Variants in LYG2 observed in about 807,000 individuals in gnomAD.
LYG2 encodes the protein lysozyme g-like protein 2.
In LYG2, 25 loss-of-function variants were observed where a neutral mutation model predicts 22.4. The ratio of observed to expected loss-of-function variants is 1.12; its 90% CI spans 0.81 to 1.56. The LOEUF (loss-of-function observed/expected upper bound fraction) is 1.56, where lower values mean the gene tolerates loss of function less well. LYG2 is among the 40% of genes most tolerant of loss of function. The pLI is 0.00. For missense variants in LYG2, 266 were observed against 269.5 expected (o/e 0.99, Z 0.09); for synonymous variants, 88 against 97.0 (o/e 0.91, Z 0.55).
chr2:99,243,491 C>CAGATAGAT (rs36096004), intron 6 of LYG2: 84,172 of 1,299,692 alleles, frequency 0.065, 2,776 homozygotes, highest in East Asian at 0.13. Flanking sequence ...GGTAGGCAAA[C>CAGATAGAT]AGATAGATAG....
chr2:99,246,862 A>G, intron 3 of LYG2, 42 bp from the exon 4 acceptor site: 1 of 1,588,374 alleles, frequency 6.3e-7, no homozygotes, highest in Non-Finnish European at 8.6e-7. Flanking sequence ...CTCTGAGAAG[A>G]TATTACTTGG....
Position 99,254,242 on chromosome 2 carries a change from A to T in LYG2, c.19T>A (p.Phe7Ile), listed in dbSNP as rs1211280560. MLSSVVFWGLIALIGTS... is the reference protein window; with the variant it reads MLSSVVIWGLIALIGTS... The stretch of plus-strand genomic sequence containing the variant: ...CCAATGAGGGCAATTAGTCCCCAAA[A>T]CACCACGGAGGATAACATGGCGGGG... Residue 7 changes from phenylalanine (F) to isoleucine (I), a missense_variant, in exon 3 of 7, where the codon TTT becomes ATT. By Grantham distance (21) the Phe-to-Ile change is conservative. Transcript: ENST00000333017. 6.2e-7 allele frequency: 1 copy of T among 1,614,064 alleles called. No homozygotes were observed. Among genetic ancestry groups the T allele is most frequent in the South Asian group, 1.1e-5 (1 of 91,058 alleles).
chr2:99,254,435 CA>C lies in LYG2; in HGVS notation c.-25-151del, dbSNP rs2094032409. 1.5e-5 allele frequency: 9 copies of C among 620,120 alleles called. No homozygotes were observed. In the South Asian group the frequency reaches 1.8e-4, roughly 12 times the overall value. 38.4% of individuals were successfully genotyped at this position (620,120 alleles called of 1,614,324 possible). ...AGATAGTATTCTCACAGGCTCAGTA[CA>C]TAGTTTGTTGGCACACTCTCTTTCT... On this transcript the variant is annotated intron_variant, in intron 2 of 6. Transcript: ENST00000333017.
chr2:99,248,611 A>T (rs1043069070), intron 3 of LYG2, among the ~76,000 whole-genome samples: 3 of 150,008 alleles, frequency 2.0e-5, no homozygotes, highest in African/African-American at 4.9e-5. Flanking sequence ...GAGGGATAGC[A>T]TTAGGAGATA....
the LYG2 span, among the ~76,000 whole-genome samples, chr2:99,260,733 T>C: frequency 6.6e-6 from 1 of 152,200 alleles, no homozygotes; most frequent in African/African-American, 2.4e-5. Context: ...TTGAAGACGC[T>C]AGTTCAAAAG....
At chr2:99,250,431 G>A (rs962858981) in intron 3 of LYG2, among the ~76,000 whole-genome samples, 1 of 143,486 alleles carries the variant, frequency 7.0e-6, no homozygotes, top group African/African-American at 2.6e-5. Flanking sequence ...CTGCAGTACA[G>A]TGGTGCGATC....
chr2:99,246,408 C>T (rs2094016093), intron 4 of LYG2, among the ~76,000 whole-genome samples: 1 of 151,936 alleles, frequency 6.6e-6, no homozygotes, highest in Non-Finnish European at 1.5e-5. Context: ...CAGCACCACC[C>T]AAAAAACAAA....
intron 4 of LYG2, among the ~76,000 whole-genome samples, chr2:99,245,905 C>T (rs2094015371): frequency 6.6e-6 from 1 of 152,126 alleles, no homozygotes; most frequent in Non-Finnish European, 1.5e-5. Flanking sequence ...GTCAGGAGCT[C>T]AAGACTAGCC....
chr2:99,248,385 T>C (rs973091999), intron 3 of LYG2, among the ~76,000 whole-genome samples: 16 of 151,918 alleles, frequency 1.1e-4, no homozygotes, highest in Non-Finnish European at 2.4e-4. Flanking sequence ...ATATACACCA[T>C]GGAATACTAT....
chr2:99,252,938 T>A (rs535990043), intron 3 of LYG2, among the ~76,000 whole-genome samples: 158 of 151,160 alleles, frequency 1.0e-3, no homozygotes, highest in Non-Finnish European at 2.1e-3. Flanking sequence ...TCCCAGCTAC[T>A]TGGGAGGCTG....
intron 3 of LYG2, among the ~76,000 whole-genome samples, chr2:99,249,418 T>C (rs1259727013): frequency 7.3e-6 from 1 of 136,606 alleles, no homozygotes; most frequent in Non-Finnish European, 1.6e-5. Flanking sequence ...AGACCCTGTC[T>C]CAAATCTCAA....
chr2:99,256,741 G>C (rs545504136), upstream of LYG2, among the ~76,000 whole-genome samples: 3 of 152,322 alleles, frequency 2.0e-5, no homozygotes, highest in Non-Finnish European at 2.9e-5. Context: ...AGTCCTTCTA[G>C]GTATGAGGTC....
chr2:99,245,489 G>A (rs752814161), intron 4 of LYG2, 31 bp from the exon 5 acceptor site: 135 of 1,457,844 alleles, frequency 9.3e-5, no homozygotes, highest in Admixed American at 2.4e-4. Context: ...CTGTTTTTCC[G>A]GGCATGGTAG....
chr2:99,243,533 G>A (rs2094010232), intron 6 of LYG2: 2 of 1,507,390 alleles, frequency 1.3e-6, no homozygotes, highest in Non-Finnish European at 1.8e-6. Context: ...TAGATAGATA[G>A]ATAGATAAAT....
upstream of LYG2, among the ~76,000 whole-genome samples, chr2:99,256,385 A>G (rs1433459076): frequency 1.3e-5 from 2 of 152,148 alleles, no homozygotes. Flanking sequence ...ACCACCATCA[A>G]CACTGCAGTC....
Position 99,242,400 on chromosome 2 carries a change from A to G in LYG2, c.603T>C (p.Ile201=). ...GTCTTTTATAGAACTTAGCTCGAGC[A>G]ATGATATCATTGACGAAGTCATTGT... ...DIDNDFVNDI[I]ARAKFYKRQS... The change falls in exon 7 of 7, where the codon ATT becomes ATC. Residue 201 remains isoleucine, a synonymous_variant. Transcript: ENST00000333017. 1 of 1,613,790 alleles carries G rather than the reference A, an allele frequency of 6.2e-7. No homozygotes were observed. Among genetic ancestry groups the G allele is most frequent in the Non-Finnish European group, 8.5e-7 (1 of 1,179,768 alleles).
upstream of LYG2, among the ~76,000 whole-genome samples, chr2:99,257,523 C>A (rs1038552689): frequency 3.3e-5 from 5 of 152,142 alleles, no homozygotes; most frequent in Non-Finnish European, 5.9e-5. Flanking sequence ...CCCAGGGATA[C>A]CAAGAATGAC....
At chr2:99,243,340 AG>A in intron 6 of LYG2, 1 of 1,165,096 alleles carries the variant, frequency 8.6e-7, no homozygotes, top group Non-Finnish European at 1.2e-6. Context: ...GCTGAACTTG[AG>A]GGGGCCTGTG....
intron 3 of LYG2, among the ~76,000 whole-genome samples, chr2:99,250,037 A>G (rs2094023327): frequency 6.6e-6 from 1 of 151,968 alleles, no homozygotes; most frequent in Non-Finnish European, 1.5e-5. Context: ...AAGACCTACT[A>G]GATGTGGCCC....
Sources: allele counts gnomAD v4.1 joint callset (sites outside exome capture counted in the v4.1 genomes callset), GRCh38; gene constraint gnomAD v4.1.1; transcripts MANE v1.5; gene names NCBI Gene and HGNC (gene_info 2026-07-23, HGNC 2026-07-21).